Variants in DTHD1 observed in about 807,000 individuals in gnomAD.
DTHD1 encodes the protein death domain-containing protein 1.
Under a neutral mutation model 74.8 loss-of-function variants are expected in DTHD1, and 59 were observed. The ratio of observed to expected loss-of-function variants is 0.79; its 90% confidence interval spans 0.64 to 0.98. The LOEUF is 0.98. Ranked by LOEUF, DTHD1 falls within the 50% of genes least tolerant of loss-of-function variation. The pLI is 0.00. For missense variants in DTHD1, 1,051 were observed against 1,065.4 expected (o/e 0.99, Z 0.19); for synonymous variants, 365 against 371.1 (o/e 0.98, Z 0.19).
At chr4:36,326,962 CT>C (rs201334706) in intron 8 of DTHD1, among the ~76,000 whole-genome samples, 35,789 of 145,450 alleles carry the variant, frequency 0.25, 4,609 homozygotes, top group Admixed American at 0.31. Flanking sequence ...ATTTGTTTTT[CT>C]TTTTTTTTTT....
rs193158703 is a variant in DTHD1, at chr4:36,329,359, G to T, written c.2341-9753G>T. Among the ~76,000 whole-genome samples the T allele has an allele frequency of 3.1e-3, 477 of 152,256 alleles. 6 individuals carry two copies. Among genetic ancestry groups the T allele is most frequent in the Admixed American group, 0.027 (415 of 15,300 alleles). On this transcript the variant is annotated intron_variant, in intron 8 of 9. Coordinates refer to ENST00000639862, the MANE Select transcript of DTHD1 (RefSeq NM_001170700.3). ...CAGCCATCTTGATTTTGAATACTTT[G>T]CCACTTCTGAATAGTTTAGTGTTTT...
At chr4:36,337,259 A>G (rs758092011) in intron 8 of DTHD1, among the ~76,000 whole-genome samples, 1 of 152,202 alleles carries the variant, frequency 6.6e-6, no homozygotes, top group Non-Finnish European at 1.5e-5. Flanking sequence ...TGGGAGACCA[A>G]CACAGTGCCT....
intron 7 of DTHD1, among the ~76,000 whole-genome samples, chr4:36,313,098 A>T (rs777623321): frequency 7.2e-5 from 11 of 152,200 alleles, no homozygotes; most frequent in Non-Finnish European, 1.6e-4. Flanking sequence ...GACTTCCCTA[A>T]GCAAAAATAT....
At position 36,295,012 on chromosome 4, in the gene DTHD1, A is replaced by G. The variant is rs779417332; in HGVS notation, c.1616A>G (p.Asn539Ser). 1.4e-5 allele frequency: 21 copies of G among 1,549,794 alleles called. No homozygotes were observed. The highest frequency in any genetic ancestry group is 1.3e-4 in the South Asian group (11 of 83,924). ...DHKRRASATI[N>S]RITPSYFNRT... ...AAAAGAAGAGCAAGTGCCACAATAAATAGGATTACACCTTCGTATTTCAAC... is the reference window on the plus strand; with the variant it reads ...AAAAGAAGAGCAAGTGCCACAATAAGTAGGATTACACCTTCGTATTTCAAC... Residue 539 changes from asparagine (N) to serine (S), a missense_variant, in exon 5 of 10, where the codon AAT (asparagine) becomes AGT (serine). Transcript: ENST00000639862.
chr4:36,289,927 C>G (rs1755959276), intron 2 of DTHD1, among the ~76,000 whole-genome samples: 1 of 151,642 alleles, frequency 6.6e-6, no homozygotes, highest in Admixed American at 6.6e-5. Flanking sequence ...TTAGACAATT[C>G]TAATACTTCA....
intron 9 of DTHD1, 27 bp downstream of exon 9, chr4:36,339,196 T>A: frequency 6.7e-7 from 1 of 1,489,724 alleles, no homozygotes; most frequent in South Asian, 1.2e-5. Flanking sequence ...TTGTCATCAT[T>A]ATAGTGCTTC....
intron 2 of DTHD1, among the ~76,000 whole-genome samples, chr4:36,286,249 A>G (rs1245653508): frequency 1.3e-5 from 2 of 152,180 alleles, no homozygotes; most frequent in East Asian, 1.9e-4. Flanking sequence ...TTGAAGCTCC[A>G]TATTCTCACA....
intron 5 of DTHD1, among the ~76,000 whole-genome samples, chr4:36,305,598 G>A (rs141424526): frequency 1.3e-5 from 2 of 152,134 alleles, no homozygotes; most frequent in East Asian, 1.9e-4. Flanking sequence ...AAACCATATC[G>A]GTACCATTAT....
chr4:36,308,145 TC>T (rs1757164444), intron 6 of DTHD1, 58 bp from the exon 7 acceptor site: 1 of 1,442,568 alleles, frequency 6.9e-7, no homozygotes, highest in African/African-American at 1.4e-5. Context: ...TTATTAGATA[TC>T]AGTGATGTTC....
chr4:36,307,696 G>A (rs958637636), intron 6 of DTHD1, among the ~76,000 whole-genome samples: 1 of 152,154 alleles, frequency 6.6e-6, no homozygotes, highest in Non-Finnish European at 1.5e-5. Flanking sequence ...ATCCTATGGA[G>A]TCAATAAATT....
At chr4:36,319,516 A>G (rs1757938809) in intron 8 of DTHD1, among the ~76,000 whole-genome samples, 1 of 152,220 alleles carries the variant, frequency 6.6e-6, no homozygotes, top group Non-Finnish European at 1.5e-5. Context: ...TTGCTTCCAG[A>G]AAGCCTCACG....
Position 36,302,857 on chromosome 4 carries a change from GA to G in DTHD1, c.1644-3329del, listed in dbSNP as rs367696246. ...TAATGACTAAATTATACTTTTCTGA[GA>G]AAAAGTTAACCTCAAAACATTGGTG... On this transcript the variant is annotated intron_variant, in intron 5 of 9. Coordinates refer to ENST00000639862, the MANE Select transcript of DTHD1 (RefSeq NM_001170700.3). 3.2e-3 allele frequency among the ~76,000 whole-genome samples: 487 copies of G among 152,182 alleles called. 5 individuals carry two copies. The highest frequency in any genetic ancestry group is 0.011 in the African/African-American group (472 of 41,524).
intron 8 of DTHD1, among the ~76,000 whole-genome samples, chr4:36,337,774 T>TA (rs1348214452): frequency 6.6e-6 from 1 of 152,232 alleles, no homozygotes; most frequent in Non-Finnish European, 1.5e-5. Context: ...TAACTTGTAT[T>TA]AGAGTGCTCA....
rs895240671 is a variant in DTHD1, at chr4:36,284,590, G to A, written c.886G>A (p.Glu296Lys). The A allele has an allele frequency of 1.3e-6, 2 of 1,505,366 alleles. No homozygotes were observed. Among genetic ancestry groups the A allele is most frequent in the Non-Finnish European group, 1.8e-6 (2 of 1,132,964 alleles). The allele number at this position is 1,505,366 out of a possible 1,614,324, so 93.3% of individuals were successfully genotyped here. A position where few individuals can be genotyped will look rare whatever the true frequency, so the allele number is the denominator to read the frequency against. The change falls in exon 2 of 10, where the codon GAG becomes AAG. Residue 296 changes from glutamate (E) to lysine (K), a missense_variant and splice_region_variant. Coordinates refer to ENST00000639862, the MANE Select transcript of DTHD1 (RefSeq NM_001170700.3). ...GCACAAGAATAACATAATGGAAAAG[G>A]AGTAAGTAAATGCAATGTGGGAAGT... is the stretch of plus-strand genomic sequence containing the variant. ...IKHKNNIMEKEYLDVLSDVTG... is the reference protein window; with the variant it reads ...IKHKNNIMEKKYLDVLSDVTG...
chr4:36,293,462 C>T (rs1256776931), intron 3 of DTHD1, 64 bp from the exon 4 acceptor site: 1 of 1,320,412 alleles, frequency 7.6e-7, no homozygotes, highest in East Asian at 2.7e-5. Flanking sequence ...TCCATAGAGT[C>T]TATACAGCAA....
At chr4:36,343,334 G>A (rs1292514725) in intron 9 of DTHD1, among the ~76,000 whole-genome samples, 168 bp from the exon 10 acceptor site, 1 of 152,150 alleles carries the variant, frequency 6.6e-6, no homozygotes, top group Non-Finnish European at 1.5e-5. Flanking sequence ...CAGAATGCCA[G>A]GGATTCAGAG....
chr4:36,306,314 C>A lies in DTHD1; in HGVS notation c.1767C>A (p.Ser589Arg), dbSNP rs188954144. 1.3e-6 allele frequency: 2 copies of A among 1,551,080 alleles called. No homozygotes were observed. Among genetic ancestry groups the A allele is most frequent in the East Asian group, 2.4e-5 (1 of 40,914 alleles). Reference sequence around the variant, plus strand: ...ATGATGTTGTGAAAACCATACAGAGCGGCTTGGTATCAGTTGAATTGTATG... The same window carrying A: ...ATGATGTTGTGAAAACCATACAGAGAGGCTTGGTATCAGTTGAATTGTATG... ...GLDDVVKTIQ[S>R]GLVSVELYEH... The change falls in exon 6 of 10, where the codon AGC becomes AGA. Residue 589 changes from serine (S) to arginine (R), a missense_variant. Physicochemically the swap from Ser to Arg is moderately radical, Grantham distance 110. Transcript: ENST00000639862.
chr4:36,301,653 C>G (rs938751106), intron 5 of DTHD1, among the ~76,000 whole-genome samples: 9 of 152,126 alleles, frequency 5.9e-5, no homozygotes, highest in African/African-American at 2.2e-4. Flanking sequence ...GTTTCTGTTA[C>G]CTGTACCCCA....
chr4:36,295,139 TA>T, intron 5 of DTHD1, 100 bp downstream of exon 5: 1 of 1,254,782 alleles, frequency 8.0e-7, no homozygotes, highest in African/African-American at 1.5e-5. Context: ...AATTCTGTAT[TA>T]AAATATTATG....
Sources: allele counts gnomAD v4.1 joint callset (sites outside exome capture counted in the v4.1 genomes callset), GRCh38; gene constraint gnomAD v4.1.1; transcripts MANE v1.5; gene names NCBI Gene and HGNC (gene_info 2026-07-23, HGNC 2026-07-21).